The following RAB37 variants were observed in gnomAD, a reference collection of about 807,000 sequenced individuals.
RAB37 encodes RAB37, member RAS oncogene family.
A neutral mutation model predicts 33.1 loss-of-function variants in RAB37; 29 were observed. That is an observed-to-expected ratio of 0.88 (90% CI 0.65 to 1.20). The LOEUF (loss-of-function observed/expected upper bound fraction) is 1.20, where lower values mean the gene tolerates loss of function less well. Ranked by LOEUF, RAB37 falls within the 50% of genes most tolerant of loss-of-function variation. The pLI is 0.00. For synonymous variants in RAB37, 128 were observed against 119.5 expected (o/e 1.07, Z -0.47); for missense variants, 299 against 301.1 (o/e 0.99, Z 0.05).
At chr17:74,696,275 C>T in intron 1 of RAB37, 1 of 1,552,592 alleles carries the variant, frequency 6.4e-7, no homozygotes, top group Non-Finnish European at 8.7e-7. Context: ...TCACAAGAAC[C>T]CCCAGGTCTA....
At chr17:74,682,552 G>A (rs77949971) in intron 1 of RAB37, among the ~76,000 whole-genome samples, 3,515 of 152,232 alleles carry the variant, frequency 0.023, 68 homozygotes, top group Non-Finnish European at 0.034. Context: ...GCTTAAGCTC[G>A]GGTCACATGT....
In RAB37 at chr17:74,676,062, G is replaced by T. The variant is rs950150837; in HGVS notation, c.72+4404G>T. ...GCTTCAAGAGCCATCCAGGGCAATG[G>T]TCTGGGGTAGGGGTTCAGGAACAGC... On this transcript the variant is annotated intron_variant, in intron 1 of 7. Coordinates refer to the RAB37 transcript ENST00000340415. This position sits in a 1 kb window ranked among gnomAD's most constrained non-coding sequence, Gnocchi z 4.1. Among the ~76,000 whole-genome samples the T allele has an allele frequency of 1.3e-5, 2 of 152,154 alleles. No individual in the cohort carries two copies. Among genetic ancestry groups the T allele is most frequent in the Non-Finnish European group, 2.9e-5 (2 of 68,028 alleles).
At chr17:74,698,534 A>C in intron 1 of RAB37, 1 of 1,560,482 alleles carries the variant, frequency 6.4e-7, no homozygotes, top group South Asian at 1.2e-5. Flanking sequence ...CCTGCCTCTC[A>C]GCCCAATCCC....
chr17:74,704,358 A>G (rs2033333337), intron 1 of RAB37: 1 of 757,530 alleles, frequency 1.3e-6, no homozygotes, highest in East Asian at 2.6e-5. Context: ...TCAGGGTTCT[A>G]TGAGACTCGG....
rs370102345 is a variant in RAB37 at position 74,706,975 on chromosome 17, A to G, written c.73-22281A>G. On this transcript the variant is annotated intron_variant, in intron 1 of 7. Coordinates refer to the RAB37 transcript ENST00000340415. ...GCCGGACCTTTATCTCACAACATAT[A>G]CAAAAATCAACTCACAATAGAGAAG... Among the ~76,000 whole-genome samples, 12 of 152,356 alleles carry G rather than the reference A, an allele frequency of 7.9e-5. No homozygotes were observed. The East Asian group carries it at 1.5e-3, about 20-fold the overall frequency.
intron 1 of RAB37, chr17:74,704,445 G>A: frequency 6.8e-7 from 1 of 1,470,430 alleles, no homozygotes; most frequent in South Asian, 1.2e-5. Context: ...AGCAGGCCCT[G>A]AGAGACACAC....
At chr17:74,698,797 A>G (rs1227947550) in intron 1 of RAB37, among the ~76,000 whole-genome samples, 1 of 152,202 alleles carries the variant, frequency 6.6e-6, no homozygotes, top group Non-Finnish European at 1.5e-5. Flanking sequence ...AATAATCTGT[A>G]CACAAAACCC....
At chr17:74,698,362 C>T (rs1442754724) in intron 1 of RAB37, 3 of 1,602,390 alleles carry the variant, frequency 1.9e-6, no homozygotes, top group East Asian at 2.2e-5. Context: ...CACCCAGGTC[C>T]TCTCACCTTT....
At chr17:74,719,811 C>A (rs919252943) in intron 1 of RAB37, among the ~76,000 whole-genome samples, 2 of 152,178 alleles carry the variant, frequency 1.3e-5, no homozygotes, top group Non-Finnish European at 2.9e-5. Context: ...GCCACTGTAC[C>A]TGGCCAAGCA....
chr17:74,737,173 C>T, upstream of RAB37: 2 of 1,546,388 alleles, frequency 1.3e-6, no homozygotes, highest in South Asian at 1.2e-5. Context: ...CCTGAGGGGT[C>T]CCGGTCGAGG....
At position 74,671,515 on chromosome 17, in the gene RAB37, G is replaced by A. The variant is rs1180975388; in HGVS notation, c.-72G>A. On this transcript the variant is annotated 5_prime_UTR_variant, in exon 1 of 8. Transcript: ENST00000340415. This position sits in a 1 kb window ranked among gnomAD's most constrained non-coding sequence, Gnocchi z 5.0. Reference sequence around the variant, plus strand: ...ACCCAAGCCTGCCGCACCCAGCGGAGCTCGAACCGAGCTCCTGGAAGCGCT... The same window carrying A: ...ACCCAAGCCTGCCGCACCCAGCGGAACTCGAACCGAGCTCCTGGAAGCGCT... 6.8e-7 allele frequency: 1 copy of A among 1,473,238 alleles called. No homozygotes were observed. Among genetic ancestry groups the A allele is most frequent in the Non-Finnish European group, 9.5e-7 (1 of 1,057,084 alleles). 91.3% of individuals were successfully genotyped at this position (1,473,238 alleles called of 1,614,324 possible). A position where few individuals can be genotyped will look rare whatever the true frequency, so the allele number is the denominator to read the frequency against.
rs755769612 is a variant in RAB37, at chr17:74,744,443, C to G, written c.432+70C>G. 7.0e-7 allele frequency: 1 copy of G among 1,438,462 alleles called. No individual in the cohort carries two copies. The highest frequency in any genetic ancestry group is 2.3e-5 in the East Asian group (1 of 44,066). The allele number at this position is 1,438,462 out of a possible 1,614,324, so 89.1% of individuals were successfully genotyped here. A position where few individuals can be genotyped will look rare whatever the true frequency, so the allele number is the denominator to read the frequency against. On this transcript the variant is annotated intron_variant, in intron 6 of 8. Transcript: ENST00000392613. This position sits in a 1 kb window ranked among gnomAD's most constrained non-coding sequence, Gnocchi z 4.2. The stretch of plus-strand genomic sequence containing the variant: ...AGCCCTAGCCGGCCCCATAACCACC[C>G]AAGAACAGTTATCTAGGCATCCTTC...
chr17:74,691,534 C>A (rs1382884457), intron 1 of RAB37, among the ~76,000 whole-genome samples: 1 of 152,110 alleles, frequency 6.6e-6, no homozygotes, highest in Non-Finnish European at 1.5e-5. Flanking sequence ...ATCGGTCTTC[C>A]CATGCTGTTT....
At position 74,745,270 on chromosome 17, in the gene RAB37, G is replaced by A; in HGVS notation, c.567-36G>A. ...CGGCTCAGCTCCTCACCCCAGCCCA[G>A]CCCAGCCCAGCCCAGCCCATTGTCT... On this transcript the variant is annotated intron_variant, in intron 8 of 8. Coordinates refer to ENST00000392613, the MANE Select transcript of RAB37 (RefSeq NM_001006638.3). This position sits in a 1 kb window ranked among gnomAD's most constrained non-coding sequence, Gnocchi z 4.5. 1 of 1,595,740 alleles carries A rather than the reference G, an allele frequency of 6.3e-7. No individual in the cohort carries two copies.
rs549266491 is a variant in RAB37 at position 74,702,200 on chromosome 17, G to A, written c.73-27056G>A. ...TTGGCAGATCTAAAAACAAAGTCAA[G>A]AGGGCCAAGGAGAGTGAAAGGAAGA... On this transcript the variant is annotated intron_variant, in intron 1 of 7. Transcript: ENST00000340415. Among the ~76,000 whole-genome samples, 192 of 152,208 alleles carry A rather than the reference G, an allele frequency of 1.3e-3. 3 individuals carry two copies. Among genetic ancestry groups the A allele is most frequent in the Middle Eastern group, 0.01 (3 of 294 alleles).
At chr17:74,735,043 A>AAGAAAG (rs1432112741), upstream of RAB37, among the ~76,000 whole-genome samples, 1 of 147,462 alleles carries the variant, frequency 6.8e-6, no homozygotes, top group Non-Finnish European at 1.5e-5. Flanking sequence ...GAAAGAAAGA[A>AAGAAAG]AGAAAGAAAG....
chr17:74,718,966 G>A (rs952085926), intron 1 of RAB37, among the ~76,000 whole-genome samples: 1 of 152,166 alleles, frequency 6.6e-6, no homozygotes, highest in Non-Finnish European at 1.5e-5. Context: ...GGCAGTGGAG[G>A]GTGTTGATAA....
At position 74,744,991 on chromosome 17, in the gene RAB37, C is replaced by G; in HGVS notation, c.490-17C>G. On this transcript the variant is annotated splice_polypyrimidine_tract_variant and intron_variant, in intron 7 of 8. Transcript: ENST00000392613. This position sits in a 1 kb window ranked among gnomAD's most constrained non-coding sequence, Gnocchi z 4.2. ...GGCAACCCGACGCTGGCCCTGAGGACACTCTCTCCCGGGCAGGAGTACGGT... is the reference window on the plus strand; with the variant it reads ...GGCAACCCGACGCTGGCCCTGAGGAGACTCTCTCCCGGGCAGGAGTACGGT... The G allele has an allele frequency of 2.5e-6, 4 of 1,614,234 alleles. No homozygotes were observed. The highest frequency in any genetic ancestry group is 2.5e-6 in the Non-Finnish European group (3 of 1,180,012).
intron 1 of RAB37, chr17:74,696,232 A>G: frequency 6.2e-7 from 1 of 1,603,738 alleles, no homozygotes; most frequent in Non-Finnish European, 8.5e-7. Flanking sequence ...AAGACAAACA[A>G]CAATTCAGAA....
Sources: gnomAD v4.1 joint callset for allele counts (sites outside exome capture counted in the v4.1 genomes callset) on GRCh38, gnomAD v4.1.1 for gene constraint, Gnocchi (gnomAD v3.1) non-coding constraint, MANE v1.5 for transcripts, NCBI Gene and HGNC (gene_info 2026-07-23, HGNC 2026-07-21) for gene names.